The following SLC47A2 variants were observed in gnomAD, a reference collection of about 807,000 sequenced individuals.
SLC47A2 encodes solute carrier family 47 member 2, also known as multidrug and toxin extrusion protein 2.
Under a neutral mutation model 67.7 loss-of-function variants are expected in SLC47A2, and 52 were observed. The ratio of observed to expected loss-of-function variants is 0.77; its 90% confidence interval spans 0.61 to 0.97. SLC47A2 has a LOEUF of 0.97. Among genes scored for constraint, SLC47A2 ranks in the 50% least tolerant of loss-of-function variants. The pLI is 0.00. For synonymous variants in SLC47A2, 278 were observed against 292.9 expected (o/e 0.95, Z 0.52); for missense variants, 676 against 712.3 (o/e 0.95, Z 0.58).
chr17:19,706,503 G>A (rs2085939014), intron 9 of SLC47A2, 145 bp downstream of exon 9: 2 of 631,002 alleles, frequency 3.2e-6, no homozygotes, highest in Non-Finnish European at 5.3e-6. Flanking sequence ...CTGAGGGCCT[G>A]GCCAGTGAAG....
At chr17:19,702,942 GA>G in intron 12 of SLC47A2, 149 bp downstream of exon 12, 2 of 903,316 alleles carry the variant, frequency 2.2e-6, no homozygotes, top group Non-Finnish European at 3.4e-6. Context: ...TGGATAGACA[GA>G]AGTTGGCTTC....
At chr17:19,716,751 A>G (rs2086280062), upstream of SLC47A2, 1 of 778,930 alleles carries the variant, frequency 1.3e-6, no homozygotes, top group South Asian at 2.1e-5. Context: ...TGCCAAGCCT[A>G]CTGCCTCAGC....
At position 19,692,425 on chromosome 17, in the gene SLC47A2, A is replaced by T; in HGVS notation, c.1164+10180T>A. On this transcript the variant is annotated intron_variant, in intron 13 of 16. Transcript: ENST00000433844. The stretch of plus-strand genomic sequence containing the variant: ...ATGAAGAGCAACTTCATGCAAAGGA[A>T]TTAAACAATTAAGGTGAAGTGAGTA... 2 of 341,064 alleles carry T rather than the reference A, an allele frequency of 5.9e-6. 1 individual carries two copies. Among genetic ancestry groups the T allele is most frequent in the Admixed American group, 9.3e-5 (2 of 21,546 alleles). 21.1% of individuals were successfully genotyped at this position (341,064 alleles called of 1,614,324 possible).
chr17:19,718,336 G>C (rs944296800), upstream of SLC47A2: 1 of 152,278 alleles, frequency 6.6e-6, no homozygotes, highest in African/African-American at 2.4e-5. Flanking sequence ...GAGCCCACAC[G>C]TGGAGGTATA....
chr17:19,697,720 T>C (rs1038027639), intron 13 of SLC47A2, among the ~76,000 whole-genome samples: 3 of 151,410 alleles, frequency 2.0e-5, no homozygotes, highest in African/African-American at 7.3e-5. Context: ...CCCTAGTAGC[T>C]GGGACTACAG....
At chr17:19,687,747 G>A (rs1056722289) in intron 13 of SLC47A2, among the ~76,000 whole-genome samples, 1 of 152,068 alleles carries the variant, frequency 6.6e-6, no homozygotes, top group Admixed American at 6.6e-5. Flanking sequence ...ACCTAGAACT[G>A]GATAAATTCC....
At chr17:19,716,095 T>C (rs980822920) in intron 1 of SLC47A2, 18 of 259,916 alleles carry the variant, frequency 6.9e-5, no homozygotes, top group Non-Finnish European at 1.1e-4. Context: ...TTCTTCCCCC[T>C]GCGAAGGTGC....
intron 13 of SLC47A2, among the ~76,000 whole-genome samples, chr17:19,693,236 T>C (rs2085583257): frequency 6.6e-6 from 1 of 152,066 alleles, no homozygotes; most frequent in African/African-American, 2.4e-5. Context: ...ACCATATTAA[T>C]AAAGAACAAA....
chr17:19,705,549 C>A, intron 9 of SLC47A2, 46 bp from the exon 10 acceptor site: 3 of 1,572,248 alleles, frequency 1.9e-6, no homozygotes, highest in South Asian at 1.2e-5. Context: ...CCCCAGACAC[C>A]CAGACCCTGC....
chr17:19,718,100 G>C (rs1234252721), upstream of SLC47A2: 1 of 152,404 alleles, frequency 6.6e-6, no homozygotes, highest in African/African-American at 2.4e-5. Flanking sequence ...CAGTTCTCAT[G>C]GTCAGCCTAC....
rs146868017 is a variant in SLC47A2, at chr17:19,678,710, G to A, written c.1677C>T (p.Val559=). ...GCTAGTGCCTGGTGGCTAGGATCCTGACCGTGAGCCCCACCATCAGTGTGG... is the reference window on the plus strand; with the variant it reads ...GCTAGTGCCTGGTGGCTAGGATCCTAACCGTGAGCCCCACCATCAGTGTGG... ...ASATLMVGLT[V]RILATRH The change falls in exon 17 of 17, where the codon GTC becomes GTT. Residue 559 remains valine, a synonymous_variant. Coordinates refer to ENST00000433844, the MANE Select transcript of SLC47A2 (RefSeq NM_001099646.3). 1.9e-6 allele frequency: 3 copies of A among 1,612,900 alleles called. No homozygotes were observed. The African/African-American group carries it at 4.0e-5, about 22-fold the overall frequency.
intron 11 of SLC47A2, among the ~76,000 whole-genome samples, chr17:19,703,819 C>A (rs1396442025): frequency 6.6e-6 from 1 of 152,242 alleles, no homozygotes; most frequent in Non-Finnish European, 1.5e-5. Flanking sequence ...GTCCCAGAAT[C>A]ACAGCAGCAG....
intron 10 of SLC47A2, chr17:19,704,905 A>G: frequency 2.2e-6 from 1 of 445,038 alleles, no homozygotes; most frequent in South Asian, 4.8e-5. Flanking sequence ...GGCTCACTGC[A>G]ACCTCCGCCT....
chr17:19,713,956 G>A lies in SLC47A2; in HGVS notation c.312C>T (p.Asn104=). Residue 104 remains asparagine (N), a synonymous_variant, in exon 4 of 17, where the codon AAC becomes AAT. Coordinates refer to ENST00000433844, the MANE Select transcript of SLC47A2 (RefSeq NM_001099646.3). ...TLMSQSFGSP[N]KKHVGVILQR... ...GCAGGATCACGCCCACGTGCTTCTT[G>A]TTGGGGCTGCCGAAGCTCTGCAAAA... 3 of 1,612,792 alleles carry A rather than the reference G, an allele frequency of 1.9e-6. No individual in the cohort carries two copies. The highest frequency in any genetic ancestry group is 2.5e-6 in the Non-Finnish European group (3 of 1,179,254).
At chr17:19,679,753 G>A (rs1309793873) in intron 16 of SLC47A2, among the ~76,000 whole-genome samples, 199 bp downstream of exon 16, 1 of 151,968 alleles carries the variant, frequency 6.6e-6, no homozygotes, top group Admixed American at 6.6e-5. Flanking sequence ...TTGGTGTGGG[G>A]CCTGGTACTT....
intron 5 of SLC47A2, 57 bp from the exon 6 acceptor site, chr17:19,708,817 A>C: frequency 3.2e-6 from 5 of 1,586,504 alleles, no homozygotes; most frequent in Non-Finnish European, 4.3e-6. Flanking sequence ...TCACCAAATG[A>C]GCATTAACAG....
intron 8 of SLC47A2, 87 bp downstream of exon 8, chr17:19,707,659 C>T: frequency 8.5e-7 from 1 of 1,180,196 alleles, no homozygotes; most frequent in Non-Finnish European, 1.2e-6. Context: ...TCTACTGCAC[C>T]CTCTGCCTGC....
intron 16 of SLC47A2, 117 bp downstream of exon 16, chr17:19,679,835 A>G (rs1190582391): frequency 4.0e-6 from 4 of 1,003,562 alleles, no homozygotes; most frequent in Non-Finnish European, 5.7e-6. Context: ...TAATGGGAAG[A>G]AAAATAGCTT....
chr17:19,686,176 C>T lies in SLC47A2; in HGVS notation c.1165-4506G>A, dbSNP rs538125393. Among the ~76,000 whole-genome samples the T allele has an allele frequency of 2.0e-3, 310 of 152,200 alleles. 1 individual carries two copies. The highest frequency in any genetic ancestry group is 3.3e-3 in the Admixed American group (51 of 15,278). ...ACTCAGGAGGCTGAGGCAGGAGAAT[C>T]GCTTGAACCCAGGAGGCAGAGGTTG... On this transcript the variant is annotated intron_variant, in intron 13 of 16. Transcript: ENST00000433844.
Sources: allele counts gnomAD v4.1 joint callset (sites outside exome capture counted in the v4.1 genomes callset), GRCh38; gene constraint gnomAD v4.1.1; transcripts MANE v1.5; gene names NCBI Gene and HGNC (gene_info 2026-07-23, HGNC 2026-07-21).